WWC1: variants seen among roughly 807,000 people sequenced by gnomAD.
WWC1 encodes WW and C2 domain containing 1, also known as protein KIBRA.
WWC1 carries 55 observed loss-of-function variants against 138.4 expected under a neutral mutation model. The ratio of observed to expected loss-of-function variants is 0.40; its 90% CI spans 0.32 to 0.50. The LOEUF (loss-of-function observed/expected upper bound fraction) is 0.50, where lower values mean the gene tolerates loss of function less well. WWC1 is among the 20% of genes least tolerant of loss of function. The pLI is 0.72. For synonymous variants in WWC1, 524 were observed against 564.9 expected (o/e 0.93, Z 1.03); for missense variants, 1,226 against 1,420.4 (o/e 0.86, Z 2.20).
Position 168,471,793 on chromosome 5 carries a change from G to A in WWC1, c.*2776G>A, listed in dbSNP as rs1321308836. ...GGGGGCAATGGGATTAGGAAAATGAGGTCAACCTGCAAAGGAAAGCAGATG... is the reference window on the plus strand; with the variant it reads ...GGGGGCAATGGGATTAGGAAAATGAAGTCAACCTGCAAAGGAAAGCAGATG... On this transcript the variant is annotated 3_prime_UTR_variant, in exon 23 of 23. Coordinates refer to ENST00000265293, the MANE Select transcript of WWC1 (RefSeq NM_015238.3). The A allele has an allele frequency of 6.6e-6, 1 of 152,286 alleles. No homozygotes were observed. Among genetic ancestry groups the A allele is most frequent in the Non-Finnish European group, 1.5e-5 (1 of 68,092 alleles). The allele number at this position is 152,286 out of a possible 1,614,324, so 9.4% of individuals were successfully genotyped here. A position where few individuals can be genotyped will look rare whatever the true frequency, so the allele number is the denominator to read the frequency against.
chr5:168,404,327 G>T (rs1353386795), intron 5 of WWC1, among the ~76,000 whole-genome samples: 1 of 152,254 alleles, frequency 6.6e-6, no homozygotes, highest in Admixed American at 6.5e-5. Context: ...CATCTTCTAA[G>T]CTCCCTTAGA....
intron 1 of WWC1, among the ~76,000 whole-genome samples, chr5:168,357,502 G>GCA (rs1775547614): frequency 7.1e-6 from 1 of 141,118 alleles, no homozygotes. Context: ...GTGCGCGCGC[G>GCA]CACGCATGCA....
At chr5:168,307,780 A>G (rs748294519) in intron 1 of WWC1, among the ~76,000 whole-genome samples, 6 of 151,478 alleles carry the variant, frequency 4.0e-5, no homozygotes, top group Non-Finnish European at 8.8e-5. Flanking sequence ...AATTTTTTGT[A>G]TTTTTAGTAG....
chr5:168,418,778 C>G (rs1240370269), intron 9 of WWC1, among the ~76,000 whole-genome samples: 2 of 152,082 alleles, frequency 1.3e-5, no homozygotes, highest in African/African-American at 4.8e-5. Context: ...CTCCTTGATC[C>G]TGGACCTCAA....
chr5:168,370,861 A>T (rs945845206), intron 1 of WWC1, among the ~76,000 whole-genome samples: 1 of 152,246 alleles, frequency 6.6e-6, no homozygotes, highest in Non-Finnish European at 1.5e-5. Context: ...GGGTGCAAGC[A>T]TTTGGGAATC....
chr5:168,327,063 C>T (rs1225263665), intron 1 of WWC1, among the ~76,000 whole-genome samples: 2 of 152,170 alleles, frequency 1.3e-5, no homozygotes, highest in African/African-American at 4.8e-5. Context: ...AGTCAGCTAA[C>T]GGTAACCAGG....
At chr5:168,296,874 G>A (rs1478224199) in intron 1 of WWC1, among the ~76,000 whole-genome samples, 2 of 152,174 alleles carry the variant, frequency 1.3e-5, no homozygotes, top group African/African-American at 2.4e-5. Context: ...CAAGACCACT[G>A]CTCCAGTGCC....
intron 1 of WWC1, among the ~76,000 whole-genome samples, chr5:168,317,908 A>G (rs1306280938): frequency 6.6e-6 from 1 of 152,224 alleles, no homozygotes; most frequent in Non-Finnish European, 1.5e-5. Context: ...CAGTGACGTC[A>G]TGAAAATCCT....
At chr5:168,365,527 C>G (rs1776218398) in intron 1 of WWC1, among the ~76,000 whole-genome samples, 1 of 152,210 alleles carries the variant, frequency 6.6e-6, no homozygotes, top group African/African-American at 2.4e-5. Context: ...TGAGCTGCCT[C>G]CTTAGAAAAG....
intron 9 of WWC1, 31 bp from the exon 10 acceptor site, chr5:168,421,977 T>C (rs1781122200): frequency 1.3e-6 from 2 of 1,589,534 alleles, no homozygotes; most frequent in African/African-American, 1.3e-5. Flanking sequence ...TTCCTTTTGG[T>C]GCATCCCTCG....
intron 3 of WWC1, 52 bp from the exon 4 acceptor site, chr5:168,397,672 G>A (rs373562373): frequency 7.6e-4 from 1,224 of 1,602,968 alleles, no homozygotes; most frequent in Non-Finnish European, 9.5e-4. Context: ...AGCCAACTTT[G>A]CTGAAATCTG....
chr5:168,352,040 C>T (rs1206350125), intron 1 of WWC1, among the ~76,000 whole-genome samples: 3 of 152,168 alleles, frequency 2.0e-5, no homozygotes, highest in African/African-American at 7.2e-5. Context: ...CCTGCTGTCC[C>T]GTTCCTTAGA....
chr5:168,345,941 T>C (rs768495741), intron 1 of WWC1, among the ~76,000 whole-genome samples: 15 of 152,264 alleles, frequency 9.9e-5, no homozygotes, highest in South Asian at 4.1e-4. Context: ...CTTGATAAGA[T>C]AATTAAATTA....
intron 1 of WWC1, among the ~76,000 whole-genome samples, chr5:168,298,750 TG>T (rs1416606284): frequency 6.6e-6 from 1 of 152,138 alleles, no homozygotes; most frequent in African/African-American, 2.4e-5. Context: ...AACAGCCATA[TG>T]GGGTAAGTAC....
At chr5:168,389,489 A>G (rs1263288685) in intron 3 of WWC1, among the ~76,000 whole-genome samples, 1 of 150,774 alleles carries the variant, frequency 6.6e-6, no homozygotes, top group East Asian at 1.9e-4. Flanking sequence ...GAAGCACTGT[A>G]GTGGGAGGTG....
chr5:168,386,323 A>G (rs1561689766), intron 3 of WWC1, among the ~76,000 whole-genome samples: 1 of 150,616 alleles, frequency 6.6e-6, no homozygotes, highest in African/African-American at 2.4e-5. Context: ...TGGGGCTCCT[A>G]TCCTATCCCT....
At chr5:168,383,340 C>A (rs1372111837) in intron 2 of WWC1, among the ~76,000 whole-genome samples, 1 of 152,170 alleles carries the variant, frequency 6.6e-6, no homozygotes, top group Non-Finnish European at 1.5e-5. Flanking sequence ...ATGCAGGGTT[C>A]ATTACCCCCT....
chr5:168,318,137 A>T (rs1581905243), intron 1 of WWC1, among the ~76,000 whole-genome samples: 1 of 151,980 alleles, frequency 6.6e-6, no homozygotes, highest in Admixed American at 6.6e-5. Flanking sequence ...CCTGCAGATC[A>T]TGGAAAGTCC....
intron 8 of WWC1, chr5:168,412,105 C>G: frequency 1.0e-6 from 1 of 985,422 alleles, no homozygotes; most frequent in Non-Finnish European, 1.2e-6. Flanking sequence ...TCTGTTCCAT[C>G]CTGCAGGAAT....
Sources: gnomAD v4.1 joint callset for allele counts (sites outside exome capture counted in the v4.1 genomes callset) on GRCh38, gnomAD v4.1.1 for gene constraint, MANE v1.5 for transcripts, NCBI Gene and HGNC (gene_info 2026-07-23, HGNC 2026-07-21) for gene names.